Variants in TAFA2 observed in about 807,000 individuals in gnomAD.
The protein encoded by TAFA2 is TAFA chemokine like family member 2, also known as chemokine-like protein TAFA-2.
TAFA2 carries 7 observed loss-of-function variants against 18.8 expected under a neutral mutation model. The ratio of observed to expected loss-of-function variants is 0.37; its 90% CI spans 0.21 to 0.70. The LOEUF (loss-of-function observed/expected upper bound fraction) is 0.70, where lower values mean the gene tolerates loss of function less well. TAFA2 is among the 30% of genes least tolerant of loss of function. The pLI is 0.53. For synonymous variants in TAFA2, 60 were observed against 54.2 expected (o/e 1.11, Z -0.47); for missense variants, 122 against 158.1 (o/e 0.77, Z 1.23).
At chr12:61,897,776 A>C (rs1213183888) in intron 1 of TAFA2, among the ~76,000 whole-genome samples, 1 of 152,130 alleles carries the variant, frequency 6.6e-6, no homozygotes, top group Non-Finnish European at 1.5e-5. Flanking sequence ...GCCTCTCCCA[A>C]GTCTCACATA....
intron 1 of TAFA2, among the ~76,000 whole-genome samples, chr12:61,913,781 T>G (rs1194552226): frequency 2.6e-5 from 4 of 152,164 alleles, no homozygotes; most frequent in African/African-American, 9.7e-5. Flanking sequence ...GAAGAACATA[T>G]GCTTCAAAGG....
intron 1 of TAFA2, among the ~76,000 whole-genome samples, chr12:62,099,308 A>G (rs1869086202): frequency 6.6e-6 from 1 of 152,194 alleles, no homozygotes; most frequent in South Asian, 2.1e-4. Flanking sequence ...TATCCGTACT[A>G]TATTAAAAGA....
chr12:62,148,056 A>G (rs2062300170), intron 1 of TAFA2, among the ~76,000 whole-genome samples: 3 of 152,080 alleles, frequency 2.0e-5, no homozygotes, highest in African/African-American at 7.2e-5. Context: ...TAAAAAGTCA[A>G]AAAAAAGCAG....
chr12:61,813,782 T>C (rs935038316), intron 2 of TAFA2, among the ~76,000 whole-genome samples: 9 of 151,444 alleles, frequency 5.9e-5, no homozygotes, highest in Non-Finnish European at 1.0e-4. Flanking sequence ...TCTGAGAAAA[T>C]TATTTTACTT....
chr12:62,200,079 C>T (rs1249917922), intron 1 of TAFA2, among the ~76,000 whole-genome samples: 1 of 152,076 alleles, frequency 6.6e-6, no homozygotes, highest in Non-Finnish European at 1.5e-5. Flanking sequence ...TGTTCAAGTC[C>T]TTTGCCCACT....
chr12:61,732,335 C>T (rs1870491177), intron 4 of TAFA2, among the ~76,000 whole-genome samples: 1 of 152,104 alleles, frequency 6.6e-6, no homozygotes, highest in Non-Finnish European at 1.5e-5. Context: ...TGTCTGTTTA[C>T]TTCCTTGTTT....
At chr12:62,187,866 T>G (rs1271377614) in intron 1 of TAFA2, among the ~76,000 whole-genome samples, 1 of 152,204 alleles carries the variant, frequency 6.6e-6, no homozygotes, top group Non-Finnish European at 1.5e-5. Context: ...GGTAACTCAG[T>G]GTGAAATTAT....
chr12:61,853,405 A>AG (rs1326059543), intron 2 of TAFA2, among the ~76,000 whole-genome samples: 3 of 152,202 alleles, frequency 2.0e-5, no homozygotes, highest in Non-Finnish European at 4.4e-5. Context: ...AGTATAAAAA[A>AG]AATTTAAAAC....
intron 1 of TAFA2, among the ~76,000 whole-genome samples, chr12:61,895,310 A>G (rs1472150255): frequency 6.6e-6 from 1 of 152,192 alleles, no homozygotes; most frequent in Non-Finnish European, 1.5e-5. Context: ...TAAAACTACA[A>G]GTAGGTGACA....
At chr12:62,212,264 C>T (rs908100229) in intron 1 of TAFA2, among the ~76,000 whole-genome samples, 1 of 152,112 alleles carries the variant, frequency 6.6e-6, no homozygotes, top group Non-Finnish European at 1.5e-5. Context: ...ATCCCAGACC[C>T]AAAACCTTCC....
At chr12:62,107,490 G>A (rs554963786) in intron 1 of TAFA2, among the ~76,000 whole-genome samples, 1 of 152,238 alleles carries the variant, frequency 6.6e-6, no homozygotes, top group South Asian at 2.1e-4. Flanking sequence ...TTTTGGTCTT[G>A]TCAATTTTAG....
intron 2 of TAFA2, among the ~76,000 whole-genome samples, chr12:61,819,220 G>T (rs1483286272): frequency 1.3e-5 from 2 of 152,122 alleles, no homozygotes; most frequent in Admixed American, 6.6e-5. Flanking sequence ...AGGTAGCATT[G>T]ATAAATTGAT....
At chr12:61,750,466 T>C (rs747453944) in intron 4 of TAFA2, among the ~76,000 whole-genome samples, 2 of 152,090 alleles carry the variant, frequency 1.3e-5, no homozygotes, top group Non-Finnish European at 2.9e-5. Flanking sequence ...ATTCTTTACC[T>C]TTTCCCCCTG....
intron 1 of TAFA2, among the ~76,000 whole-genome samples, chr12:62,072,645 G>A (rs1882662066): frequency 6.6e-6 from 1 of 152,052 alleles, no homozygotes; most frequent in African/African-American, 2.4e-5. Context: ...AGCAGGGTGA[G>A]GTGATGTGCA....
chr12:61,856,051 T>A (rs913263959), intron 2 of TAFA2, among the ~76,000 whole-genome samples: 2 of 152,100 alleles, frequency 1.3e-5, no homozygotes, highest in Non-Finnish European at 2.9e-5. Context: ...GGGTTATATG[T>A]CTTTTAATAT....
chr12:62,126,469 G>A lies in TAFA2; in HGVS notation c.-2+64790C>T, dbSNP rs562122295. ...GTGTCTCTTTCCAGGGCAGAAGGCA[G>A]GTTTGTTTTCTCACTAGGATAATAA... On this transcript the variant is annotated intron_variant, in intron 1 of 4. Transcript: ENST00000416284. Among the ~76,000 whole-genome samples the A allele has an allele frequency of 2.0e-5, 3 of 152,172 alleles. No homozygotes were observed. In the South Asian group the frequency reaches 6.2e-4, roughly 32 times the overall value.
At chr12:62,253,083 A>G (rs1400157100) in intron 1 of TAFA2, 2 of 152,222 alleles carry the variant, frequency 1.3e-5, no homozygotes, top group East Asian at 3.8e-4. Flanking sequence ...ATTTGGCAGC[A>G]GCAATAGCCA....
intron 1 of TAFA2, among the ~76,000 whole-genome samples, chr12:61,896,246 G>T (rs1875838182): frequency 6.6e-6 from 1 of 152,164 alleles, no homozygotes; most frequent in Non-Finnish European, 1.5e-5. Flanking sequence ...GGTTCACAAG[G>T]AAAGTAATGG....
chr12:61,809,092 GAAA>G (rs1217367422), intron 2 of TAFA2, among the ~76,000 whole-genome samples: 3 of 151,496 alleles, frequency 2.0e-5, no homozygotes, highest in African/African-American at 7.4e-5. Flanking sequence ...CACATAGCTT[GAAA>G]GTGTGTGTGC....
Sources: allele counts gnomAD v4.1 joint callset (sites outside exome capture counted in the v4.1 genomes callset), GRCh38; gene constraint gnomAD v4.1.1; transcripts MANE v1.5; gene names NCBI Gene and HGNC (gene_info 2026-07-23, HGNC 2026-07-21).